The following BCR variants were observed in gnomAD, a reference collection of about 807,000 sequenced individuals.
BCR encodes BCR activator of RhoGEF and GTPase.
In BCR, 58 loss-of-function variants were observed where a neutral mutation model predicts 138.6. That is an observed-to-expected ratio of 0.42 (90% CI 0.34 to 0.52). BCR has a LOEUF of 0.52. BCR is among the 20% of genes least tolerant of loss of function. The pLI, the probability that BCR is intolerant of heterozygous loss-of-function variation, is 0.06. For synonymous variants in BCR, 786 were observed against 730.1 expected (o/e 1.08, Z -1.23); for missense variants, 1,599 against 1,727.2 (o/e 0.93, Z 1.32).
At chr22:23,221,692 G>A (rs922712838) in intron 1 of BCR, among the ~76,000 whole-genome samples, 2 of 152,182 alleles carry the variant, frequency 1.3e-5, no homozygotes, top group African/African-American at 4.8e-5. Flanking sequence ...CTCAATCAAT[G>A]GCAAGAGTCA....
intron 1 of BCR, among the ~76,000 whole-genome samples, chr22:23,250,060 C>T (rs948053163): frequency 3.3e-5 from 5 of 152,252 alleles, no homozygotes; most frequent in Admixed American, 3.3e-4. Flanking sequence ...GGCAAACCCT[C>T]ACCGGGCACT....
intron 5 of BCR, among the ~76,000 whole-genome samples, chr22:23,270,318 A>G (rs568446005): frequency 1.2e-4 from 19 of 152,286 alleles, no homozygotes; most frequent in African/African-American, 4.3e-4. Context: ...TAGGAATTAC[A>G]TGAAAAGGGC....
intron 1 of BCR, among the ~76,000 whole-genome samples, chr22:23,202,819 A>T (rs1039730246): frequency 1.3e-5 from 2 of 150,672 alleles, no homozygotes; most frequent in African/African-American, 4.9e-5. Flanking sequence ...TTAAATGTAC[A>T]GTTCAGTGGC....
rs6003543 is a variant in BCR at position 23,184,317 on chromosome 22, C to G, written c.1279+2078C>G. Reference sequence around the variant, plus strand: ...TGTTGCCCAGGCTGGTATCAAACTCCTGGGCTCAAGCATTCCTCTAGCTTC... The same window carrying G: ...TGTTGCCCAGGCTGGTATCAAACTCGTGGGCTCAAGCATTCCTCTAGCTTC... On this transcript the variant is annotated intron_variant, in intron 1 of 22. Transcript: ENST00000305877. Among the ~76,000 whole-genome samples, 729 of 152,110 alleles carry G rather than the reference C, an allele frequency of 4.8e-3. 3 individuals are homozygous for G. The highest frequency in any genetic ancestry group is 0.017 in the African/African-American group (686 of 41,476).
At chr22:23,273,052 C>A in intron 6 of BCR, 29 bp from the exon 7 acceptor site, 1 of 1,608,846 alleles carries the variant, frequency 6.2e-7, no homozygotes, top group Non-Finnish European at 8.5e-7. Flanking sequence ...CCATGTGCAA[C>A]CTCTCTCACC....
At chr22:23,303,872 A>T (rs1050456215) in intron 16 of BCR, among the ~76,000 whole-genome samples, 1 of 151,496 alleles carries the variant, frequency 6.6e-6, no homozygotes, top group Non-Finnish European at 1.5e-5. Flanking sequence ...ACAGAGCTGT[A>T]CAACTTTTAC....
In BCR at chr22:23,253,993, G is replaced by GGT; in HGVS notation, c.1461+16_1461+17dup. ...GTCCACTAAAGCGGTGAGTCCCCATGGTGTACGTGTGGCAGGAGGGCCAGG... is the reference window on the plus strand; with the variant it reads ...GTCCACTAAAGCGGTGAGTCCCCATGGTGTGTACGTGTGGCAGGAGGGCCAGG... On this transcript the variant is annotated intron_variant, in intron 2 of 22. Transcript: ENST00000305877. 6.2e-7 allele frequency: 1 copy of GGT among 1,601,740 alleles called. No homozygotes were observed. Among genetic ancestry groups the GGT allele is most frequent in the Non-Finnish European group, 8.5e-7 (1 of 1,172,824 alleles).
rs183968019 is a variant in BCR, at chr22:23,236,764, A to T, written c.1280-17035A>T. ...CTGCCCTGGAGGTAAAGAGGCTGGG[A>T]CAGTAACTTTAGGCAGTCAGCTGGG... is the stretch of plus-strand genomic sequence containing the variant. On this transcript the variant is annotated intron_variant, in intron 1 of 22. Coordinates refer to ENST00000305877, the MANE Select transcript of BCR (RefSeq NM_004327.4). Among the ~76,000 whole-genome samples, 502 of 152,292 alleles carry T rather than the reference A, an allele frequency of 3.3e-3. 4 individuals are homozygous for T. Among genetic ancestry groups the T allele is most frequent in the African/African-American group, 0.011 (468 of 41,550 alleles).
At chr22:23,213,807 T>A (rs768296006) in intron 1 of BCR, among the ~76,000 whole-genome samples, 1 of 149,226 alleles carries the variant, frequency 6.7e-6, no homozygotes, top group African/African-American at 2.5e-5. Context: ...TACTTCAGCC[T>A]GGGCAACAGA....
rs2146329242 is a variant in BCR, at chr22:23,311,794, G to A, written c.3280G>A (p.Val1094Met). 6.2e-7 allele frequency: 1 copy of A among 1,611,818 alleles called. No individual in the cohort carries two copies. The highest frequency in any genetic ancestry group is 8.5e-7 in the Non-Finnish European group (1 of 1,179,858). Residue 1094 changes from valine to methionine, a missense_variant, in exon 19 of 23, where the codon GTG becomes ATG. Physicochemically the swap from Val to Met is conservative, Grantham distance 21. Coordinates refer to ENST00000305877, the MANE Select transcript of BCR (RefSeq NM_004327.4). ...EEVGIYRVSG[V>M]ATDIQALKAA... is the part of the protein sequence containing the mutation. ...GGTGGGCATCTACCGCGTGTCCGGT[G>A]TGGCCACGGACATCCAGGCACTGAA...
chr22:23,201,692 T>C (rs2072555626), intron 1 of BCR, among the ~76,000 whole-genome samples: 1 of 152,164 alleles, frequency 6.6e-6, no homozygotes, highest in Admixed American at 6.5e-5. Flanking sequence ...CCTGACCTTG[T>C]GATCCGCCCT....
intron 16 of BCR, among the ~76,000 whole-genome samples, chr22:23,303,021 G>C (rs1448729028): frequency 1.4e-5 from 2 of 147,432 alleles, no homozygotes; most frequent in Admixed American, 6.8e-5. Flanking sequence ...CGTCAAGGCT[G>C]CATGGCCCCC....
At chr22:23,247,611 C>T (rs951683763) in intron 1 of BCR, among the ~76,000 whole-genome samples, 1 of 152,162 alleles carries the variant, frequency 6.6e-6, no homozygotes, top group Non-Finnish European at 1.5e-5. Context: ...ACACCTCTGG[C>T]AGCCACACCA....
chr22:23,289,709 T>C, intron 13 of BCR, 88 bp downstream of exon 13: 1 of 1,119,220 alleles, frequency 8.9e-7, no homozygotes, highest in Non-Finnish European at 1.3e-6. Flanking sequence ...TGTTAGCACT[T>C]TTGATGGGAC....
At chr22:23,260,015 T>C (rs1461115677) in intron 2 of BCR, among the ~76,000 whole-genome samples, 2 of 152,162 alleles carry the variant, frequency 1.3e-5, no homozygotes, top group African/African-American at 2.4e-5. Context: ...ATGTGACATA[T>C]GGAACCTTTT....
chr22:23,268,614 G>A (rs995125403), intron 5 of BCR, 99 bp downstream of exon 5: 53 of 1,010,220 alleles, frequency 5.2e-5, no homozygotes, highest in Non-Finnish European at 7.6e-5. Flanking sequence ...AGATCTGGTC[G>A]TGAACCCCAG....
chr22:23,200,616 G>T (rs9624054), intron 1 of BCR, among the ~76,000 whole-genome samples: 33 of 152,012 alleles, frequency 2.2e-4, no homozygotes, highest in African/African-American at 8.0e-4. Flanking sequence ...GGAGTGCAGT[G>T]GTGCGATCAT....
chr22:23,227,793 GAA>G lies in BCR; in HGVS notation c.1280-26004_1280-26003del, dbSNP rs201880347. ...TTTCCAGGGTGGTTCTTGAACCTAA[GAA>G]ATCTTCTAGAAGCCTGGGTCATGTT... On this transcript the variant is annotated intron_variant, in intron 1 of 22. Coordinates refer to ENST00000305877, the MANE Select transcript of BCR (RefSeq NM_004327.4). 6.4e-3 allele frequency among the ~76,000 whole-genome samples: 982 copies of G among 152,358 alleles called. 11 individuals are homozygous for G. The highest frequency in any genetic ancestry group is 0.022 in the South Asian group (108 of 4,828).
At chr22:23,254,298 G>C (rs1271396534) in intron 2 of BCR, among the ~76,000 whole-genome samples, 1 of 152,100 alleles carries the variant, frequency 6.6e-6, no homozygotes, top group African/African-American at 2.4e-5. Context: ...CCTGAGCCAG[G>C]TGGTGTCTGG....
Sources: gnomAD v4.1 joint callset for allele counts (sites outside exome capture counted in the v4.1 genomes callset) on GRCh38, gnomAD v4.1.1 for gene constraint, MANE v1.5 for transcripts, NCBI Gene and HGNC (gene_info 2026-07-23, HGNC 2026-07-21) for gene names.